The following TMPRSS15 variants were observed in gnomAD, a reference collection of about 807,000 sequenced individuals.
The protein encoded by TMPRSS15 is enteropeptidase.
Under a neutral mutation model 125.3 loss-of-function variants are expected in TMPRSS15, and 128 were observed. The observed-to-expected ratio is 1.02, with a 90% confidence interval of 0.89 to 1.18. The LOEUF is 1.18. TMPRSS15 is among the 50% of genes most tolerant of loss of function. The pLI, the probability that TMPRSS15 is intolerant of heterozygous loss-of-function variation, is 0.00. For missense variants in TMPRSS15, 1,283 were observed against 1,212.7 expected (o/e 1.06, Z -0.86); for synonymous variants, 446 against 423.2 (o/e 1.05, Z -0.66).
intron 4 of TMPRSS15, 56 bp downstream of exon 4, chr21:18,383,571 G>A: frequency 6.3e-7 from 1 of 1,593,102 alleles, no homozygotes; most frequent in South Asian, 1.1e-5. Context: ...TATATTGCTA[G>A]AATTTTAATT....
intron 13 of TMPRSS15, among the ~76,000 whole-genome samples, chr21:18,337,579 T>C (rs1292313243): frequency 6.6e-6 from 1 of 152,190 alleles, no homozygotes; most frequent in East Asian, 1.9e-4. Flanking sequence ...AGAAAGTTAT[T>C]AAAGTCATGA....
chr21:18,411,813 T>C (rs1029177748), intron 1 of TMPRSS15, among the ~76,000 whole-genome samples: 1 of 152,224 alleles, frequency 6.6e-6, no homozygotes, highest in African/African-American at 2.4e-5. Flanking sequence ...ATGAAACTTT[T>C]GAATGAAAGG....
chr21:18,290,868 G>C (rs986344355), intron 21 of TMPRSS15, among the ~76,000 whole-genome samples: 1 of 152,100 alleles, frequency 6.6e-6, no homozygotes, highest in Non-Finnish European at 1.5e-5. Context: ...AGAAAGAGAT[G>C]ATAATAAAAT....
intron 18 of TMPRSS15, among the ~76,000 whole-genome samples, chr21:18,305,183 C>T (rs1260456227): frequency 3.0e-4 from 26 of 86,054 alleles, no homozygotes; most frequent in East Asian, 7.0e-4. Context: ...AATTTCCGTA[C>T]TTTTTTTTTT....
chr21:18,419,672 T>C (rs1282709258), intron 1 of TMPRSS15, among the ~76,000 whole-genome samples: 1 of 152,204 alleles, frequency 6.6e-6, no homozygotes, highest in Admixed American at 6.5e-5. Context: ...TACGTTTTAT[T>C]TGACTTTGAC....
At chr21:18,468,365 T>G (rs897894507) in intron 1 of TMPRSS15, among the ~76,000 whole-genome samples, 1 of 152,154 alleles carries the variant, frequency 6.6e-6, no homozygotes, top group Non-Finnish European at 1.5e-5. Flanking sequence ...CAATTCAGGT[T>G]GGTATAATAT....
intron 7 of TMPRSS15, among the ~76,000 whole-genome samples, chr21:18,361,258 T>C (rs1286746804): frequency 6.6e-6 from 1 of 152,058 alleles, no homozygotes; most frequent in Non-Finnish European, 1.5e-5. Flanking sequence ...TAATCAGAAA[T>C]GTAAATAACT....
At chr21:18,332,629 C>T (rs1440944612) in intron 13 of TMPRSS15, among the ~76,000 whole-genome samples, 4 of 152,028 alleles carry the variant, frequency 2.6e-5, no homozygotes, top group African/African-American at 9.7e-5. Context: ...AAAATGAACA[C>T]TTATAGACTG....
intron 3 of TMPRSS15, among the ~76,000 whole-genome samples, chr21:18,388,513 T>G (rs564132775): frequency 4.0e-4 from 61 of 152,260 alleles, no homozygotes; most frequent in Non-Finnish European, 8.5e-4. Flanking sequence ...ACATAAAGGG[T>G]TCCATTAGCA....
At chr21:18,438,442 G>C (rs534820598) in intron 1 of TMPRSS15, among the ~76,000 whole-genome samples, 1 of 151,860 alleles carries the variant, frequency 6.6e-6, no homozygotes, top group Non-Finnish European at 1.5e-5. Context: ...TAACCTGCAC[G>C]TTGTGCACAT....
In TMPRSS15 at chr21:18,359,829, C is replaced by T. The variant is rs747916640; in HGVS notation, c.808G>A (p.Asp270Asn). 3.7e-5 allele frequency: 57 copies of T among 1,535,020 alleles called. No homozygotes were observed. Among genetic ancestry groups the T allele is most frequent in the Middle Eastern group, 1.7e-4 (1 of 5,868 alleles). The change falls in exon 8 of 25, where the codon GAT (aspartate) becomes AAT (asparagine). Residue 270 changes from aspartate to asparagine, a missense_variant. Physicochemically the swap from Asp to Asn is conservative, Grantham distance 23. Coordinates refer to ENST00000284885, the MANE Select transcript of TMPRSS15 (RefSeq NM_002772.3). ...TCTGTATAATATGTATTAAAATCAT[C>T]GAAGCTCAGTTTAATGGAAAGTCCT... ...NQGLSIKLSFDDFNTYYTDIL... is the reference protein window; with the variant it reads ...NQGLSIKLSFNDFNTYYTDIL...
intron 1 of TMPRSS15, among the ~76,000 whole-genome samples, chr21:18,422,143 T>C (rs982408207): frequency 8.6e-5 from 13 of 152,000 alleles, no homozygotes; most frequent in African/African-American, 3.1e-4. Flanking sequence ...ACCATCATGC[T>C]TAAGATAATT....
At chr21:18,279,116 T>C in intron 22 of TMPRSS15, 57 bp from the exon 23 acceptor site, 1 of 914,096 alleles carries the variant, frequency 1.1e-6, no homozygotes, top group East Asian at 2.5e-5. Flanking sequence ...AGAACAGATT[T>C]ACAAGCATTT....
rs144019737 is a variant in TMPRSS15 at position 18,394,028 on chromosome 21, A to G, written c.344+3851T>C. Among the ~76,000 whole-genome samples the G allele has an allele frequency of 5.8e-3, 879 of 152,260 alleles. 14 individuals are homozygous for G. The highest frequency in any genetic ancestry group is 5.2e-3 in the South Asian group (25 of 4,824). On this transcript the variant is annotated intron_variant, in intron 3 of 24. Transcript: ENST00000284885. Reference sequence around the variant, plus strand: ...TAAGCGAGCAAATGAATGGATGACTACCTGAACATTTATTTAACTCTATGT... The same window carrying G: ...TAAGCGAGCAAATGAATGGATGACTGCCTGAACATTTATTTAACTCTATGT...
At chr21:18,410,667 T>C (rs1331246186) in intron 1 of TMPRSS15, among the ~76,000 whole-genome samples, 2 of 152,112 alleles carry the variant, frequency 1.3e-5, no homozygotes, top group African/African-American at 4.8e-5. Context: ...GCCTCAACTT[T>C]ATTTTTCTAT....
chr21:18,371,813 A>G (rs1227901364), intron 6 of TMPRSS15, among the ~76,000 whole-genome samples: 1 of 152,086 alleles, frequency 6.6e-6, no homozygotes, highest in African/African-American at 2.4e-5. Context: ...AGAAGTGAGA[A>G]TGTCTATCAC....
At chr21:18,464,038 T>A (rs1053248779) in intron 1 of TMPRSS15, among the ~76,000 whole-genome samples, 1 of 151,314 alleles carries the variant, frequency 6.6e-6, no homozygotes, top group Non-Finnish European at 1.5e-5. Flanking sequence ...GCTGGGCATG[T>A]GGTGGGCGCC....
chr21:18,343,766 T>C lies in TMPRSS15; in HGVS notation c.1278-110A>G. 5 of 1,392,936 alleles carry C rather than the reference T, an allele frequency of 3.6e-6. 1 individual carries two copies. Among genetic ancestry groups the C allele is most frequent in the Middle Eastern group, 1.9e-4 (1 of 5,204 alleles). 86.3% of individuals were successfully genotyped at this position (1,392,936 alleles called of 1,614,324 possible). A position where few individuals can be genotyped will look rare whatever the true frequency, so the allele number is the denominator to read the frequency against. ...CTTTGAAATAATCTTTTTTTCCTTCTGGGTTTTGGAGTTGCTGGGGATGGG... is the reference window on the plus strand; with the variant it reads ...CTTTGAAATAATCTTTTTTTCCTTCCGGGTTTTGGAGTTGCTGGGGATGGG... On this transcript the variant is annotated intron_variant, in intron 11 of 24. Transcript: ENST00000284885.
intron 3 of TMPRSS15, among the ~76,000 whole-genome samples, chr21:18,396,952 T>A (rs1018129853): frequency 1.3e-5 from 2 of 152,014 alleles, no homozygotes. Context: ...TTCTGGAATA[T>A]TGTCTTTCTT....
Sources: allele counts gnomAD v4.1 joint callset (sites outside exome capture counted in the v4.1 genomes callset), GRCh38; gene constraint gnomAD v4.1.1; transcripts MANE v1.5; gene names NCBI Gene and HGNC (gene_info 2026-07-23, HGNC 2026-07-21).